KCTD8: variants seen among roughly 807,000 people sequenced by gnomAD.
KCTD8 encodes potassium channel tetramerization domain containing 8.
A neutral mutation model predicts 31.5 loss-of-function variants in KCTD8; 27 were observed. The ratio of observed to expected loss-of-function variants is 0.86; its 90% CI spans 0.63 to 1.18. KCTD8 has a LOEUF of 1.18. KCTD8 is among the 50% of genes most tolerant of loss of function. The probability of loss-of-function intolerance (pLI) is 0.00; values close to 1 mark genes in which losing one functional copy is unlikely to be tolerated. For synonymous variants in KCTD8, 290 were observed against 280.0 expected, an observed-to-expected ratio of 1.04 and a Z score of -0.36; for missense variants, 658 against 647.7, an observed-to-expected ratio of 1.02 and a Z score of -0.17.
chr4:44,299,892 C>G (rs1717556709), intron 1 of KCTD8, among the ~76,000 whole-genome samples: 1 of 151,268 alleles, frequency 6.6e-6, no homozygotes, highest in South Asian at 2.1e-4. Flanking sequence ...GCTGGGACTA[C>G]AGGCACCCGC....
chr4:44,283,979 G>A (rs1384122314), intron 1 of KCTD8, among the ~76,000 whole-genome samples: 4 of 152,090 alleles, frequency 2.6e-5, no homozygotes, highest in African/African-American at 9.7e-5. Flanking sequence ...AATAAAAGAG[G>A]ACACAGACAT....
At chr4:44,296,427 T>C (rs1015682722) in intron 1 of KCTD8, among the ~76,000 whole-genome samples, 2 of 151,624 alleles carry the variant, frequency 1.3e-5, no homozygotes, top group African/African-American at 4.9e-5. Flanking sequence ...CAGTGTCACA[T>C]GTGTTAATTA....
At chr4:44,354,712 T>C (rs1017570152) in intron 1 of KCTD8, among the ~76,000 whole-genome samples, 10 of 152,112 alleles carry the variant, frequency 6.6e-5, no homozygotes, top group Admixed American at 5.2e-4. Context: ...ATGTTACAAA[T>C]GGAGAAACTA....
intron 1 of KCTD8, among the ~76,000 whole-genome samples, chr4:44,433,909 C>A (rs967691684): frequency 2.6e-4 from 39 of 151,864 alleles, no homozygotes; most frequent in African/African-American, 8.7e-4. Flanking sequence ...TCAATACCCA[C>A]CAACTATCCA....
chr4:44,325,010 TTA>T (rs1175017915), intron 1 of KCTD8, among the ~76,000 whole-genome samples: 1 of 151,964 alleles, frequency 6.6e-6, no homozygotes, highest in East Asian at 1.9e-4. Context: ...TCAGATCAGA[TTA>T]TATAAGCATG....
At chr4:44,298,104 G>A (rs1028008717) in intron 1 of KCTD8, among the ~76,000 whole-genome samples, 1 of 152,090 alleles carries the variant, frequency 6.6e-6, no homozygotes, top group Non-Finnish European at 1.5e-5. Context: ...AATGTGTATA[G>A]AATGATAATT....
intron 1 of KCTD8, among the ~76,000 whole-genome samples, chr4:44,291,002 CA>C (rs1446295828): frequency 1.3e-5 from 2 of 151,926 alleles, no homozygotes; most frequent in Non-Finnish European, 2.9e-5. Flanking sequence ...AAAGTCTACA[CA>C]AAAGATCAAT....
intron 1 of KCTD8, among the ~76,000 whole-genome samples, chr4:44,438,703 T>C (rs953496154): frequency 1.3e-5 from 2 of 152,092 alleles, no homozygotes; most frequent in Admixed American, 6.6e-5. Context: ...TAGATAGGAG[T>C]TGCTTTCAAC....
intron 1 of KCTD8, among the ~76,000 whole-genome samples, chr4:44,269,604 AC>A (rs1716512951): frequency 6.6e-6 from 1 of 152,178 alleles, no homozygotes; most frequent in Admixed American, 6.5e-5. Flanking sequence ...TGAACAGGTA[AC>A]CTACAAAATG....
chr4:44,269,390 C>T (rs1716501826), intron 1 of KCTD8, among the ~76,000 whole-genome samples: 2 of 151,502 alleles, frequency 1.3e-5, no homozygotes, highest in Admixed American at 1.3e-4. Context: ...AAAATTAATT[C>T]AAGATGGATT....
chr4:44,406,699 A>C (rs1309492318), intron 1 of KCTD8, among the ~76,000 whole-genome samples: 1 of 152,184 alleles, frequency 6.6e-6, no homozygotes, highest in Non-Finnish European at 1.5e-5. Context: ...CAGGAGCATA[A>C]ATTTCTATAG....
intron 1 of KCTD8, among the ~76,000 whole-genome samples, chr4:44,245,967 A>G (rs1354647621): frequency 6.6e-6 from 1 of 152,122 alleles, no homozygotes; most frequent in Non-Finnish European, 1.5e-5. Flanking sequence ...AAATAGTGAT[A>G]GTAAACAATA....
At chr4:44,309,426 TA>T (rs1441241519) in intron 1 of KCTD8, among the ~76,000 whole-genome samples, 2 of 152,176 alleles carry the variant, frequency 1.3e-5, no homozygotes, top group African/African-American at 2.4e-5. Context: ...TTAGATTCAA[TA>T]AAAGTAATAT....
chr4:44,370,508 A>G (rs1487831465), intron 1 of KCTD8, among the ~76,000 whole-genome samples: 1 of 152,212 alleles, frequency 6.6e-6, no homozygotes, highest in African/African-American at 2.4e-5. Flanking sequence ...CAATGCCTCA[A>G]GGATCACAGG....
chr4:44,425,261 T>C (rs1341413982), intron 1 of KCTD8, among the ~76,000 whole-genome samples: 2 of 152,048 alleles, frequency 1.3e-5, no homozygotes, highest in African/African-American at 2.4e-5. Context: ...CCATTTACCA[T>C]AGATTAATTC....
At position 44,419,894 on chromosome 4, in the gene KCTD8, C is replaced by T. The variant is rs551020611; in HGVS notation, c.961+27669G>A. Among the ~76,000 whole-genome samples the T allele has an allele frequency of 7.9e-5, 12 of 151,556 alleles. 2 individuals carry two copies. In the South Asian group the frequency reaches 2.5e-3, roughly 32 times the overall value. On this transcript the variant is annotated intron_variant, in intron 1 of 1. Transcript: ENST00000360029. ...AAAGGAAAAGAAAAAAAGAAAGGAA[C>T]CTTTCAAGCTACCTTTCTGAACCGG...
intron 1 of KCTD8, among the ~76,000 whole-genome samples, chr4:44,421,313 T>C (rs1003551088): frequency 6.6e-6 from 1 of 152,152 alleles, no homozygotes; most frequent in Non-Finnish European, 1.5e-5. Context: ...ATTTGGTGCA[T>C]TCCCTGGAGT....
In KCTD8 at chr4:44,175,828, CT is replaced by C. The variant is rs775433661; in HGVS notation, c.962-579del. 5.8e-4 allele frequency among the ~76,000 whole-genome samples: 88 copies of C among 152,286 alleles called. 1 individual carries two copies. Among genetic ancestry groups the C allele is most frequent in the Non-Finnish European group, 1.2e-3 (80 of 68,012 alleles). On this transcript the variant is annotated intron_variant, in intron 1 of 1. Coordinates refer to ENST00000360029, the MANE Select transcript of KCTD8 (RefSeq NM_198353.3). ...TTAGTCTCTTAATCTTATTTCATGT[CT>C]ACTTCCTAGAGGAAAATTGTGAAAG... is the stretch of plus-strand genomic sequence containing the variant.
intron 1 of KCTD8, among the ~76,000 whole-genome samples, chr4:44,440,582 A>AAACT (rs1721789066): frequency 6.6e-6 from 1 of 152,220 alleles, no homozygotes; most frequent in Non-Finnish European, 1.5e-5. Flanking sequence ...TCTTGAAGTG[A>AAACT]AACTAAACCT....
Sources: allele counts gnomAD v4.1 joint callset (sites outside exome capture counted in the v4.1 genomes callset), GRCh38; gene constraint gnomAD v4.1.1; transcripts MANE v1.5; gene names NCBI Gene and HGNC (gene_info 2026-07-23, HGNC 2026-07-21).